The following ZNF667 variants were observed in gnomAD, a reference collection of about 807,000 sequenced individuals.
ZNF667 encodes the protein zinc finger protein 667, also known as myocardial ischemic preconditioning upregulated 1 ortholog.
ZNF667 carries 13 observed loss-of-function variants against 31.8 expected under a neutral mutation model. The observed-to-expected ratio is 0.41, with a 90% confidence interval of 0.27 to 0.65. The LOEUF is 0.65. ZNF667 is among the 30% of genes least tolerant of loss of function. ZNF667 has a pLI of 0.32. For missense variants in ZNF667, 642 were observed against 725.6 expected (o/e 0.88, Z 1.32); for synonymous variants, 228 against 247.1 (o/e 0.92, Z 0.73).
At position 56,441,380 on chromosome 19, in the gene ZNF667, G is replaced by T; in HGVS notation, c.1615C>A (p.Arg539Ser). ...CKTCGKAFSQ[R>S]TSLILHERSH... The stretch of plus-strand genomic sequence containing the variant: ...CTTTCATGTAGAATAAGAGATGTGC[G>T]CTGACTAAAGGCCTTACCACATGTT... The change falls in exon 7 of 7, where the codon CGC becomes AGC. Residue 539 changes from arginine to serine, a missense_variant. Coordinates refer to ENST00000504904, the MANE Select transcript of ZNF667 (RefSeq NM_001321356.2). The surrounding 1 kb of genome is among the most constrained non-coding windows in gnomAD (Gnocchi z 4.2). The T allele has an allele frequency of 5.0e-6, 8 of 1,614,026 alleles. No homozygotes were observed. Among genetic ancestry groups the T allele is most frequent in the Non-Finnish European group, 6.8e-6 (8 of 1,180,006 alleles).
intron 2 of ZNF667, among the ~76,000 whole-genome samples, chr19:56,473,366 T>C (rs1294054851): frequency 6.6e-6 from 1 of 152,086 alleles, no homozygotes; most frequent in Non-Finnish European, 1.5e-5. Flanking sequence ...GTAACACATT[T>C]AGAGTGGTGC....
At chr19:56,448,368 A>G (rs2042748939) in intron 6 of ZNF667, among the ~76,000 whole-genome samples, 1 of 151,896 alleles carries the variant, frequency 6.6e-6, no homozygotes, top group African/African-American at 2.4e-5. Context: ...AGACTAAAAC[A>G]CTCTGGTGTC....
At position 56,477,299 on chromosome 19, in the gene ZNF667, C is replaced by A. The variant is rs1428145337; in HGVS notation, c.-689G>T. ...CGGTCTTCCCGGGCTCAGACCCCGG[C>A]GGCGACCACCGAGACAGCCGAGCAG... On this transcript the variant is annotated 5_prime_UTR_variant, in exon 1 of 7. Coordinates refer to ENST00000504904, the MANE Select transcript of ZNF667 (RefSeq NM_001321356.2). The A allele has an allele frequency of 6.6e-6, 1 of 151,022 alleles. No individual in the cohort carries two copies. The highest frequency in any genetic ancestry group is 1.5e-5 in the Non-Finnish European group (1 of 67,706). 9.4% of individuals were successfully genotyped at this position (151,022 alleles called of 1,614,324 possible). A position where few individuals can be genotyped will look rare whatever the true frequency, so the allele number is the denominator to read the frequency against.
chr19:56,445,917 T>C (rs2042699439), intron 6 of ZNF667, among the ~76,000 whole-genome samples: 1 of 133,868 alleles, frequency 7.5e-6, no homozygotes, highest in South Asian at 2.8e-4. Flanking sequence ...ACACTGAGGA[T>C]TAAATTTCAA....
intron 3 of ZNF667, among the ~76,000 whole-genome samples, chr19:56,466,555 G>A (rs1012442214): frequency 2.0e-5 from 3 of 152,014 alleles, no homozygotes; most frequent in Non-Finnish European, 2.9e-5. Context: ...TGGTTACCAG[G>A]CCTCTGGTTT....
chr19:56,460,948 G>T, intron 4 of ZNF667, 133 bp from the exon 5 acceptor site: 1 of 692,404 alleles, frequency 1.4e-6, no homozygotes, highest in Non-Finnish European at 2.2e-6. Context: ...AGGGTTCTGA[G>T]GCCAAAAGGG....
In ZNF667 at chr19:56,442,563, T is replaced by G. The variant is rs202045710; in HGVS notation, c.432A>C (p.Leu144Phe). Residue 144 changes from leucine (L) to phenylalanine (F), a missense_variant, in exon 7 of 7, where the codon TTA becomes TTC. By Grantham distance (22) the Leu-to-Phe change is conservative. Transcript: ENST00000504904. The part of the protein sequence containing the change: ...PKKGHSGKKP[L>F]KCNDCGKTFS... ...AGGTTTTACCACAGTCATTACATTTTAAAGGTTTCTTCCCTGAATGCCCTT... is the reference window on the plus strand; with the variant it reads ...AGGTTTTACCACAGTCATTACATTTGAAAGGTTTCTTCCCTGAATGCCCTT... 3.0e-4 allele frequency: 486 copies of G among 1,614,144 alleles called. 1 individual carries two copies. Among genetic ancestry groups the G allele is most frequent in the Non-Finnish European group, 3.7e-4 (432 of 1,179,992 alleles).
At chr19:56,455,270 C>A (rs962027664) in intron 6 of ZNF667, among the ~76,000 whole-genome samples, 1 of 151,984 alleles carries the variant, frequency 6.6e-6, no homozygotes, top group African/African-American at 2.4e-5. Context: ...GGGGGTTCCT[C>A]AAAAACTAAA....
chr19:56,460,324 A>G (rs2043017965), intron 5 of ZNF667, among the ~76,000 whole-genome samples: 1 of 152,246 alleles, frequency 6.6e-6, no homozygotes, highest in African/African-American at 2.4e-5. Context: ...TTATGATTTC[A>G]TATGTATGAA....
At chr19:56,451,996 A>G (rs1054060806) in intron 6 of ZNF667, among the ~76,000 whole-genome samples, 1 of 151,778 alleles carries the variant, frequency 6.6e-6, no homozygotes, top group Non-Finnish European at 1.5e-5. Context: ...ATACCAACAC[A>G]TTGAAATTAA....
intron 6 of ZNF667, among the ~76,000 whole-genome samples, chr19:56,447,079 A>G: frequency 6.6e-6 from 1 of 152,302 alleles, no homozygotes; most frequent in Non-Finnish European, 1.5e-5. Context: ...TCTACCCCAA[A>G]TTCTTTCTAA....
chr19:56,459,390 C>T (rs921684590), intron 5 of ZNF667, among the ~76,000 whole-genome samples: 1 of 152,104 alleles, frequency 6.6e-6, no homozygotes, highest in Non-Finnish European at 1.5e-5. Context: ...CAGCTGCTTC[C>T]TGTCAACATC....
chr19:56,466,168 A>G (rs995874102), intron 3 of ZNF667, among the ~76,000 whole-genome samples: 7 of 152,210 alleles, frequency 4.6e-5, no homozygotes, highest in Admixed American at 6.5e-5. Context: ...TGGCTTCCCC[A>G]GGCTCTGCTC....
intron 6 of ZNF667, among the ~76,000 whole-genome samples, chr19:56,445,979 C>T (rs886632706): frequency 2.0e-5 from 3 of 151,788 alleles, no homozygotes; most frequent in Middle Eastern, 3.4e-3. Flanking sequence ...CTCCCACAGA[C>T]CCCACCTCCA....
chr19:56,468,273 T>C (rs1297565822), intron 3 of ZNF667: 1 of 152,230 alleles, frequency 6.6e-6, no homozygotes, highest in Non-Finnish European at 1.5e-5. Context: ...ACAGAACTCA[T>C]GAGATAAATG....
At chr19:56,470,773 G>A (rs538260630) in intron 3 of ZNF667, among the ~76,000 whole-genome samples, 5 of 152,280 alleles carry the variant, frequency 3.3e-5, no homozygotes, top group East Asian at 1.9e-4. Flanking sequence ...ACTGGCCTTC[G>A]ATTCTGACTT....
intron 3 of ZNF667, among the ~76,000 whole-genome samples, chr19:56,464,330 T>C (rs898878471): frequency 6.6e-6 from 1 of 152,030 alleles, no homozygotes; most frequent in Non-Finnish European, 1.5e-5. Flanking sequence ...CCTGTCTCTA[T>C]AAAACATTAA....
At chr19:56,465,069 G>A (rs1326406700) in intron 3 of ZNF667, among the ~76,000 whole-genome samples, 1 of 152,152 alleles carries the variant, frequency 6.6e-6, no homozygotes, top group Non-Finnish European at 1.5e-5. Context: ...TTATAAAAAG[G>A]CAGTTGTCTG....
chr19:56,449,764 C>G (rs1419300727), intron 6 of ZNF667: 1 of 149,478 alleles, frequency 6.7e-6, no homozygotes. Flanking sequence ...AGAATCCTAT[C>G]AGATAAATTT....
Sources: gnomAD v4.1 joint callset for allele counts (sites outside exome capture counted in the v4.1 genomes callset) on GRCh38, gnomAD v4.1.1 for gene constraint, Gnocchi (gnomAD v3.1) non-coding constraint, MANE v1.5 for transcripts, NCBI Gene and HGNC (gene_info 2026-07-23, HGNC 2026-07-21) for gene names.